Variants in TEX14 observed in about 807,000 individuals in gnomAD.
TEX14 encodes the protein inactive serine/threonine-protein kinase TEX14.
Under a neutral mutation model 178.6 loss-of-function variants are expected in TEX14, and 168 were observed. The observed-to-expected ratio is 0.94, with a 90% CI of 0.83 to 1.07. The LOEUF is 1.07. TEX14 is among the 50% of genes least tolerant of loss of function. The pLI is 0.00. For synonymous variants in TEX14, 626 were observed against 634.1 expected (o/e 0.99, Z 0.19); for missense variants, 1,730 against 1,753.6 (o/e 0.99, Z 0.24).
chr17:58,653,230 C>T (rs1012504291), intron 1 of TEX14, among the ~76,000 whole-genome samples: 1 of 152,196 alleles, frequency 6.6e-6, no homozygotes, highest in Non-Finnish European at 1.5e-5. Context: ...GCCACGGCGC[C>T]TGGTCTGAGA....
intron 9 of TEX14, among the ~76,000 whole-genome samples, chr17:58,612,237 A>C (rs1212684806): frequency 1.3e-5 from 2 of 152,186 alleles, no homozygotes; most frequent in Admixed American, 6.6e-5. Context: ...GCTGGATTAT[A>C]GTTAGTCAAA....
chr17:58,560,028 ATAAT>A (rs1555661980), intron 29 of TEX14, among the ~76,000 whole-genome samples: 4 of 152,220 alleles, frequency 2.6e-5, no homozygotes, highest in Non-Finnish European at 1.5e-5. Flanking sequence ...AAATATGTAA[ATAAT>A]TTAAGTACCT....
chr17:58,671,774 A>G (rs2047308191), intron 1 of TEX14, among the ~76,000 whole-genome samples: 1 of 151,918 alleles, frequency 6.6e-6, no homozygotes, highest in Admixed American at 6.6e-5. Context: ...ACCATTTTAC[A>G]TGTTTTGAGC....
chr17:58,586,771 C>T (rs1385087117), intron 17 of TEX14, among the ~76,000 whole-genome samples: 1 of 150,156 alleles, frequency 6.7e-6, no homozygotes, highest in Non-Finnish European at 1.5e-5. Flanking sequence ...CAGCTGGGGC[C>T]ACTGTCTGTG....
At chr17:58,623,502 C>A (rs529805489) in intron 3 of TEX14, among the ~76,000 whole-genome samples, 74 of 141,140 alleles carry the variant, frequency 5.2e-4, no homozygotes, top group African/African-American at 1.7e-3. Flanking sequence ...GAGCACAAAA[C>A]CTTGGCATCA....
At chr17:58,643,678 T>G (rs1428312476) in intron 2 of TEX14, among the ~76,000 whole-genome samples, 1 of 151,626 alleles carries the variant, frequency 6.6e-6, no homozygotes, top group Non-Finnish European at 1.5e-5. Context: ...GAGACCAGCC[T>G]GGCCAAACTG....
intron 15 of TEX14, 77 bp downstream of exon 15, chr17:58,593,478 A>T: frequency 9.2e-7 from 1 of 1,085,676 alleles, no homozygotes; most frequent in Non-Finnish European, 1.4e-6. Context: ...AGACATAAGA[A>T]GATCACTGAG....
intron 1 of TEX14, among the ~76,000 whole-genome samples, chr17:58,657,166 C>T (rs2046987100): frequency 6.6e-6 from 1 of 151,706 alleles, no homozygotes; most frequent in Non-Finnish European, 1.5e-5. Flanking sequence ...GATGAGGTCT[C>T]ACTATGTTGC....
intron 1 of TEX14, among the ~76,000 whole-genome samples, chr17:58,674,406 A>G (rs963868327): frequency 6.6e-6 from 1 of 152,062 alleles, no homozygotes; most frequent in Admixed American, 6.6e-5. Flanking sequence ...GCAGTGGCTC[A>G]CGCCTGTAAT....
chr17:58,612,524 C>A (rs1276966347), intron 9 of TEX14, among the ~76,000 whole-genome samples: 1 of 151,804 alleles, frequency 6.6e-6, no homozygotes, highest in Non-Finnish European at 1.5e-5. Flanking sequence ...CGCCTGAGGT[C>A]AGGAGTTCGA....
In TEX14 at chr17:58,584,586, A is replaced by G; in HGVS notation, c.3085T>C (p.Ser1029Pro). ...TCTGGTTGCTCCTTTTGTCTGGGAG[A>G]TGGGTGCCTGATACCTAATGATTGT... ...LGSFTSIRHP[S>P]PRQKEQPEHS... Residue 1029 changes from serine to proline, a missense_variant, in exon 19 of 32, where the codon TCT (serine) becomes CCT (proline). Ser to Pro is a moderately conservative substitution (Grantham distance 74). Transcript: ENST00000349033. The G allele has an allele frequency of 6.2e-7, 1 of 1,613,782 alleles. No individual in the cohort carries two copies. The highest frequency in any genetic ancestry group is 8.5e-7 in the Non-Finnish European group (1 of 1,179,730).
intron 1 of TEX14, among the ~76,000 whole-genome samples, chr17:58,653,130 G>T (rs2046874724): frequency 6.6e-6 from 1 of 152,148 alleles, no homozygotes; most frequent in African/African-American, 2.4e-5. Flanking sequence ...TAGAGACGAG[G>T]TTTCACCATG....
At chr17:58,653,471 A>G (rs1412669078) in intron 1 of TEX14, among the ~76,000 whole-genome samples, 1 of 152,118 alleles carries the variant, frequency 6.6e-6, no homozygotes, top group African/African-American at 2.4e-5. Flanking sequence ...CTCGATCCCC[A>G]ATATGGAGGT....
chr17:58,579,418 C>A (rs747240685), intron 20 of TEX14, among the ~76,000 whole-genome samples: 9 of 152,160 alleles, frequency 5.9e-5, no homozygotes, highest in Non-Finnish European at 1.3e-4. Context: ...GTGACTACAA[C>A]AACATTTGCT....
In TEX14 at chr17:58,566,382, C is replaced by T. The variant is rs573153334; in HGVS notation, c.3887-558G>A. ...TGGTAAAAATCCAGGCAGTCTAGCT[C>T]TAAGGTTTATGCTCTTAATCTCTAT... On this transcript the variant is annotated intron_variant, in intron 26 of 31. Transcript: ENST00000349033. 2.0e-5 allele frequency among the ~76,000 whole-genome samples: 3 copies of T among 152,326 alleles called. No homozygotes were observed. The South Asian group carries it at 6.2e-4, about 32-fold the overall frequency.
At chr17:58,577,654 C>A (rs2044711356) in intron 20 of TEX14, among the ~76,000 whole-genome samples, 198 bp from the exon 21 acceptor site, 1 of 152,104 alleles carries the variant, frequency 6.6e-6, no homozygotes, top group South Asian at 2.1e-4. Flanking sequence ...AGTTTATTTT[C>A]CTTGCTCAGA....
chr17:58,650,954 G>A (rs1012217609), intron 2 of TEX14, among the ~76,000 whole-genome samples: 2 of 152,174 alleles, frequency 1.3e-5, no homozygotes, highest in Non-Finnish European at 2.9e-5. Flanking sequence ...AAAAGAGACA[G>A]GGGATCAAGC....
At chr17:58,654,590 T>G (rs943029592) in intron 1 of TEX14, among the ~76,000 whole-genome samples, 1 of 149,150 alleles carries the variant, frequency 6.7e-6, no homozygotes, top group Non-Finnish European at 1.5e-5. Context: ...CACTGCAATC[T>G]CCACCTCCTG....
At chr17:58,666,096 C>T (rs2047198741) in intron 1 of TEX14, among the ~76,000 whole-genome samples, 1 of 151,038 alleles carries the variant, frequency 6.6e-6, no homozygotes, top group Non-Finnish European at 1.5e-5. Flanking sequence ...GTAATTCCAG[C>T]ATTTTAGGAG....
Sources: allele counts gnomAD v4.1 joint callset (sites outside exome capture counted in the v4.1 genomes callset), GRCh38; gene constraint gnomAD v4.1.1; transcripts MANE v1.5; gene names NCBI Gene and HGNC (gene_info 2026-07-23, HGNC 2026-07-21).